The following CSMD3 variants were observed in gnomAD, a reference collection of about 807,000 sequenced individuals.
CSMD3 encodes CUB and Sushi multiple domains 3.
In CSMD3, 177 loss-of-function variants were observed where a neutral mutation model predicts 435.2. That is an observed-to-expected ratio of 0.41 (90% CI 0.36 to 0.46). The LOEUF is 0.46. Ranked by LOEUF, CSMD3 falls within the 20% of genes least tolerant of loss-of-function variation. The pLI, the probability that CSMD3 is intolerant of heterozygous loss-of-function variation, is 0.34. For missense variants in CSMD3, 4,265 were observed against 4,504.6 expected (o/e 0.95, Z 1.52); for synonymous variants, 1,656 against 1,520.5 (o/e 1.09, Z -2.07).
intron 1 of CSMD3, among the ~76,000 whole-genome samples, chr8:113,387,078 C>T (rs951193786): frequency 4.0e-5 from 6 of 151,602 alleles, no homozygotes; most frequent in Non-Finnish European, 8.9e-5. Flanking sequence ...CATCCTGTTG[C>T]CTCTTAAAAA....
At chr8:113,268,665 G>A (rs1458032489) in intron 3 of CSMD3, among the ~76,000 whole-genome samples, 1 of 151,990 alleles carries the variant, frequency 6.6e-6, no homozygotes, top group Non-Finnish European at 1.5e-5. Context: ...TAAAGTAAAT[G>A]GGCTAAAGAA....
In CSMD3 at chr8:112,984,256, C is replaced by A. The variant is rs553995463; in HGVS notation, c.1031-8108G>T. On this transcript the variant is annotated intron_variant, in intron 6 of 70. Coordinates refer to ENST00000297405, the MANE Select transcript of CSMD3 (RefSeq NM_198123.2). ...CTTATGTGATTATTATGCTAATTTCCTTTACACAAATACCTTTCATTTAGA... is the reference window on the plus strand; with the variant it reads ...CTTATGTGATTATTATGCTAATTTCATTTACACAAATACCTTTCATTTAGA... Among the ~76,000 whole-genome samples, 9 of 151,516 alleles carry A rather than the reference C, an allele frequency of 5.9e-5. No homozygotes were observed. In the South Asian group the frequency reaches 1.9e-3, roughly 32 times the overall value.
chr8:112,823,416 G>A (rs1210419356), intron 12 of CSMD3, among the ~76,000 whole-genome samples: 1 of 151,944 alleles, frequency 6.6e-6, no homozygotes, highest in Non-Finnish European at 1.5e-5. Flanking sequence ...TGATGTCAGG[G>A]TGTCAATTTG....
In CSMD3 at chr8:113,031,149, T is replaced by C. The variant is rs184850110; in HGVS notation, c.918-11970A>G. Among the ~76,000 whole-genome samples the C allele has an allele frequency of 2.8e-4, 43 of 151,764 alleles. No homozygotes were observed. In the East Asian group the frequency reaches 7.9e-3, roughly 28 times the overall value. On this transcript the variant is annotated intron_variant, in intron 5 of 70. Coordinates refer to ENST00000297405, the MANE Select transcript of CSMD3 (RefSeq NM_198123.2). Reference sequence around the variant, plus strand: ...TGAAATTGTACTATTGAGTACTCATTATCCCAGAGAAATGAAAGCTTATAT... The same window carrying C: ...TGAAATTGTACTATTGAGTACTCATCATCCCAGAGAAATGAAAGCTTATAT...
intron 3 of CSMD3, among the ~76,000 whole-genome samples, chr8:113,261,109 A>T (rs970510582): frequency 9.9e-5 from 15 of 152,158 alleles, no homozygotes; most frequent in Admixed American, 4.6e-4. Flanking sequence ...TGAAGTACAT[A>T]CAGATGGGCC....
intron 3 of CSMD3, among the ~76,000 whole-genome samples, chr8:113,202,329 G>A (rs909089805): frequency 2.0e-5 from 3 of 152,042 alleles, no homozygotes; most frequent in African/African-American, 7.2e-5. Context: ...TTTAATAAAG[G>A]GCAGGGCTTG....
intron 4 of CSMD3, among the ~76,000 whole-genome samples, chr8:113,133,830 T>A (rs967771337): frequency 3.2e-4 from 48 of 152,066 alleles, no homozygotes; most frequent in African/African-American, 4.8e-5. Context: ...TCTCCTTACA[T>A]GAACTATCTG....
intron 4 of CSMD3, among the ~76,000 whole-genome samples, chr8:113,141,462 A>G (rs960107232): frequency 6.6e-6 from 1 of 151,052 alleles, no homozygotes; most frequent in Non-Finnish European, 1.5e-5. Context: ...TAAACTCAGT[A>G]ACATATTTTT....
intron 4 of CSMD3, among the ~76,000 whole-genome samples, chr8:113,134,434 T>G (rs1221872528): frequency 6.6e-6 from 1 of 152,076 alleles, no homozygotes; most frequent in African/African-American, 2.4e-5. Flanking sequence ...AATGCTCATC[T>G]CATTGCATCA....
At chr8:112,602,704 A>G (rs1301789833) in intron 22 of CSMD3, among the ~76,000 whole-genome samples, 1 of 151,912 alleles carries the variant, frequency 6.6e-6, no homozygotes, top group Non-Finnish European at 1.5e-5. Context: ...AGTATGTTAT[A>G]TGTATTATAT....
intron 3 of CSMD3, among the ~76,000 whole-genome samples, chr8:113,226,437 C>G (rs968542175): frequency 1.3e-5 from 2 of 151,518 alleles, no homozygotes; most frequent in Non-Finnish European, 3.0e-5. Flanking sequence ...CCTTGCAAGT[C>G]AAAAAGCAGT....
chr8:113,000,053 G>A (rs2085806025), intron 6 of CSMD3, among the ~76,000 whole-genome samples: 1 of 151,970 alleles, frequency 6.6e-6, no homozygotes, highest in South Asian at 2.1e-4. Context: ...TGGAACTGCA[G>A]GGGATGACCC....
Position 112,895,291 on chromosome 8 carries a change from G to A in CSMD3, c.1633+26336C>T, listed in dbSNP as rs115755176. Among the ~76,000 whole-genome samples, 424 of 151,334 alleles carry A rather than the reference G, an allele frequency of 2.8e-3. 3 individuals carry two copies. The highest frequency in any genetic ancestry group is 8.8e-3 in the African/African-American group (365 of 41,376). On this transcript the variant is annotated intron_variant, in intron 10 of 70. Coordinates refer to ENST00000297405, the MANE Select transcript of CSMD3 (RefSeq NM_198123.2). ...GCAGAAATTTTTTAAAGGGCAAAAC[G>A]AATAATTAGAATAGGTAGATATTTC... is the stretch of plus-strand genomic sequence containing the variant.
intron 6 of CSMD3, among the ~76,000 whole-genome samples, chr8:113,009,651 T>G (rs2086184724): frequency 6.6e-6 from 1 of 151,866 alleles, no homozygotes; most frequent in African/African-American, 2.4e-5. Flanking sequence ...TGCTATATTT[T>G]CTGTAGGGAG....
intron 1 of CSMD3, among the ~76,000 whole-genome samples, chr8:113,373,967 C>T (rs1456040277): frequency 6.6e-6 from 1 of 152,184 alleles, no homozygotes; most frequent in East Asian, 1.9e-4. Context: ...GGTGAATTAA[C>T]ATTTAACTGA....
chr8:113,311,841 G>C (rs1300239304), intron 2 of CSMD3: 1 of 152,050 alleles, frequency 6.6e-6, no homozygotes, highest in African/African-American at 2.4e-5. Context: ...CAAAACATTA[G>C]ACTCTAAAGA....
At chr8:113,428,257 T>TATCTATC (rs1554637357) in intron 1 of CSMD3, among the ~76,000 whole-genome samples, 3 of 146,320 alleles carry the variant, frequency 2.1e-5, no homozygotes, top group African/African-American at 8.0e-5. Flanking sequence ...TCTATCTATC[T>TATCTATC]ATCTTTCTGT....
At chr8:112,753,295 CAT>C (rs1397050375) in intron 13 of CSMD3, among the ~76,000 whole-genome samples, 2 of 152,072 alleles carry the variant, frequency 1.3e-5, no homozygotes, top group African/African-American at 2.4e-5. Context: ...AAAGAGGACA[CAT>C]ATTTTCTTGT....
chr8:112,409,716 C>T (rs985232832), intron 32 of CSMD3, among the ~76,000 whole-genome samples: 6 of 152,004 alleles, frequency 3.9e-5, no homozygotes, highest in African/African-American at 1.4e-4. Context: ...ACCAACAGAG[C>T]TTTATAGATG....
Sources: allele counts gnomAD v4.1 joint callset (sites outside exome capture counted in the v4.1 genomes callset), GRCh38; gene constraint gnomAD v4.1.1; transcripts MANE v1.5; gene names NCBI Gene and HGNC (gene_info 2026-07-23, HGNC 2026-07-21).